NRP2: variants seen among roughly 807,000 people sequenced by gnomAD.
NRP2 encodes neuropilin-2.
In NRP2, 52 loss-of-function variants were observed where a neutral mutation model predicts 110.4. That is an observed-to-expected ratio of 0.47 (90% CI 0.38 to 0.59). The LOEUF is 0.59. NRP2 is among the 20% of genes least tolerant of loss of function. The probability of loss-of-function intolerance (pLI) is 0.00; values close to 1 mark genes in which losing one functional copy is unlikely to be tolerated. For missense variants in NRP2, 1,049 were observed against 1,203.0 expected (o/e 0.87, Z 1.89); for synonymous variants, 508 against 468.9 (o/e 1.08, Z -1.08).
chr2:205,703,142 A>C (rs538666167), intron 2 of NRP2, among the ~76,000 whole-genome samples: 1 of 152,338 alleles, frequency 6.6e-6, no homozygotes, highest in Non-Finnish European at 1.5e-5. Context: ...GCCAGGCAAT[A>C]GGTCAGCATG....
chr2:205,687,857 T>A (rs2056212342), intron 1 of NRP2, among the ~76,000 whole-genome samples: 1 of 152,182 alleles, frequency 6.6e-6, no homozygotes, highest in Admixed American at 6.5e-5. Context: ...TCATATGCAG[T>A]GAGGCACGAA....
intron 3 of NRP2, among the ~76,000 whole-genome samples, chr2:205,719,198 C>A (rs545744644): frequency 6.6e-6 from 1 of 152,128 alleles, no homozygotes; most frequent in African/African-American, 2.4e-5. Flanking sequence ...GAGGAAGAAG[C>A]GGGGGAAACT....
rs764597406 is a variant in NRP2 at position 205,765,478 on chromosome 2, T to C, written c.2312T>C (p.Val771Ala). ...TCTTATTCTTCCGGCTTCTAGATTG[T>C]GTTCGAGGGAGTGATAGGGAAAGGA... ...LPSYDMEYQI[V>A]FEGVIGKGRS... Residue 771 changes from valine (V) to alanine (A), a missense_variant, in exon 14 of 17, where the codon GTG becomes GCG. Coordinates refer to ENST00000357785, the MANE Select transcript of NRP2 (RefSeq NM_003872.3). The C allele has an allele frequency of 6.2e-6, 10 of 1,613,740 alleles. No homozygotes were observed. The highest frequency in any genetic ancestry group is 5.3e-5 in the African/African-American group (4 of 74,884).
intron 2 of NRP2, among the ~76,000 whole-genome samples, chr2:205,702,112 C>T (rs1197248241): frequency 6.6e-6 from 1 of 152,108 alleles, no homozygotes; most frequent in Non-Finnish European, 1.5e-5. Flanking sequence ...AATAAGTTAG[C>T]AACTGTGTTA....
intron 15 of NRP2, among the ~76,000 whole-genome samples, chr2:205,790,811 T>A (rs1439601030): frequency 6.6e-6 from 1 of 152,164 alleles, no homozygotes; most frequent in Non-Finnish European, 1.5e-5. Flanking sequence ...ATGCAGGGAA[T>A]GGGCGTTGAG....
intron 1 of NRP2, among the ~76,000 whole-genome samples, chr2:205,691,213 A>C (rs1359569442): frequency 1.3e-5 from 2 of 152,164 alleles, no homozygotes; most frequent in South Asian, 4.1e-4. Flanking sequence ...AGTAGACTGG[A>C]TGAGGCCCTC....
At chr2:205,776,856 T>A in intron 15 of NRP2, 1 of 1,250,058 alleles carries the variant, frequency 8.0e-7, no homozygotes, top group Non-Finnish European at 1.0e-6. Flanking sequence ...GCTTGTTTTT[T>A]CCCCTTGCCT....
At chr2:205,749,658 C>A in intron 10 of NRP2, 67 bp from the exon 11 acceptor site, 1 of 1,264,716 alleles carries the variant, frequency 7.9e-7, no homozygotes. Context: ...TGTTTGGCAT[C>A]TTCCTCCTGC....
At chr2:205,773,836 G>A (rs1381906567) in intron 15 of NRP2, among the ~76,000 whole-genome samples, 1 of 152,110 alleles carries the variant, frequency 6.6e-6, no homozygotes, top group Non-Finnish European at 1.5e-5. Context: ...AGTGATGGAG[G>A]GAATGTGGGT....
intron 15 of NRP2, among the ~76,000 whole-genome samples, chr2:205,772,273 C>T (rs535359179): frequency 2.6e-5 from 4 of 152,362 alleles, no homozygotes; most frequent in African/African-American, 7.2e-5. Context: ...GTTACAGACA[C>T]GTTTCCCAAT....
intron 2 of NRP2, among the ~76,000 whole-genome samples, chr2:205,712,816 T>C (rs1392484762): frequency 6.6e-6 from 1 of 152,214 alleles, no homozygotes; most frequent in African/African-American, 2.4e-5. Flanking sequence ...ACTGTAACTC[T>C]GTGTCACTTC....
chr2:205,777,435 G>A (rs2058117530), intron 15 of NRP2: 1 of 152,242 alleles, frequency 6.6e-6, no homozygotes, highest in Non-Finnish European at 1.5e-5. Flanking sequence ...TGAATGTTTA[G>A]CCTTTATCAG....
rs144053464 is a variant in NRP2, at chr2:205,710,695, C to T, written c.252-5498C>T. 6.6e-4 allele frequency among the ~76,000 whole-genome samples: 101 copies of T among 152,262 alleles called. No individual in the cohort carries two copies. The East Asian group carries it at 0.018, about 26-fold the overall frequency. On this transcript the variant is annotated intron_variant, in intron 2 of 16. Coordinates refer to ENST00000357785, the MANE Select transcript of NRP2 (RefSeq NM_003872.3). Reference sequence around the variant, plus strand: ...TCTGCCTTGCAGCCTTTTTAGACATCGTGCAGCTTCTTTGTTGGGAAGTTG... The same window carrying T: ...TCTGCCTTGCAGCCTTTTTAGACATTGTGCAGCTTCTTTGTTGGGAAGTTG...
At chr2:205,708,533 T>C (rs573731890) in intron 2 of NRP2, among the ~76,000 whole-genome samples, 9 of 152,294 alleles carry the variant, frequency 5.9e-5, no homozygotes, top group South Asian at 4.1e-4. Context: ...GTGGCCTCCT[T>C]CCTCACGTCA....
At chr2:205,721,310 C>T (rs993356779) in intron 3 of NRP2, among the ~76,000 whole-genome samples, 4 of 152,178 alleles carry the variant, frequency 2.6e-5, no homozygotes, top group South Asian at 2.1e-4. Flanking sequence ...GTTTTTTATG[C>T]TTAGAGTGTC....
chr2:205,792,357 T>C (rs1403572124), intron 16 of NRP2, 72 bp downstream of exon 16: 10 of 1,105,882 alleles, frequency 9.0e-6, no homozygotes, highest in Non-Finnish European at 1.3e-5. Flanking sequence ...ACAAAAATAA[T>C]GCTCTGGGTA....
intron 1 of NRP2, among the ~76,000 whole-genome samples, chr2:205,689,873 A>C (rs900434300): frequency 6.6e-6 from 1 of 152,242 alleles, no homozygotes; most frequent in African/African-American, 2.4e-5. Context: ...AACTCAAAAA[A>C]GTCATCATAA....
rs1277040588 is a variant in NRP2 at position 205,683,339 on chromosome 2, A to C, written c.49A>C (p.Arg17=). The change falls in exon 1 of 17, where the codon AGA becomes CGA. Residue 17 remains arginine, a synonymous_variant. Transcript: ENST00000357785. ...GGTTTTCTTAGCCCTCTACTTTTCA[A>C]GACACCAAGTGAGAGGCCAACCAGG... ...TWVFLALYFS[R]HQVRGQPDPP... 1.9e-6 allele frequency: 3 copies of C among 1,613,920 alleles called. No homozygotes were observed. The highest frequency in any genetic ancestry group is 1.7e-6 in the Non-Finnish European group (2 of 1,179,796).
At chr2:205,735,038 C>T (rs191944560) in intron 7 of NRP2, among the ~76,000 whole-genome samples, 168 of 152,186 alleles carry the variant, frequency 1.1e-3, no homozygotes, top group Non-Finnish European at 1.9e-3. Context: ...TTTTGTACCC[C>T]AAAGGGCCCG....
Sources: gnomAD v4.1 joint callset for allele counts (sites outside exome capture counted in the v4.1 genomes callset) on GRCh38, gnomAD v4.1.1 for gene constraint, MANE v1.5 for transcripts, NCBI Gene and HGNC (gene_info 2026-07-23, HGNC 2026-07-21) for gene names.